GABRA3: variants seen among roughly 807,000 people sequenced by gnomAD.
GABRA3 encodes gamma-aminobutyric acid receptor subunit alpha-3.
A neutral mutation model predicts 30.1 loss-of-function variants in GABRA3; 10 were observed. The ratio of observed to expected loss-of-function variants is 0.33; its 90% CI spans 0.20 to 0.56. The LOEUF is 0.56. Ranked by LOEUF, GABRA3 falls within the 20% of genes least tolerant of loss-of-function variation. The pLI is 0.89. For synonymous variants in GABRA3, 151 were observed against 146.8 expected, an observed-to-expected ratio of 1.03 and a Z score of -0.21; for missense variants, 233 against 392.0, an observed-to-expected ratio of 0.59 and a Z score of 3.42.
intron 9 of GABRA3, among the ~76,000 whole-genome samples, chrX:152,179,061 C>T (rs1205247333): frequency 9.0e-6 from 1 of 111,488 alleles, no homozygotes; most frequent in East Asian, 2.8e-4. Context: ...TGTATAAATC[C>T]CTGTAGTAGC....
chrX:152,204,233 T>C (rs1569355123), intron 7 of GABRA3, among the ~76,000 whole-genome samples: 2 of 111,917 alleles, frequency 1.8e-5, no homozygotes, highest in Non-Finnish European at 3.8e-5. Flanking sequence ...TTTAGAACTA[T>C]GGAGGGAACC....
At chrX:152,411,253 T>G (rs1930064750) in intron 1 of GABRA3, among the ~76,000 whole-genome samples, 1 of 111,244 alleles carries the variant, frequency 9.0e-6, no homozygotes, top group Non-Finnish European at 1.9e-5. Flanking sequence ...AGATGGAGGC[T>G]GCAGTGAGCC....
intron 8 of GABRA3, 146 bp downstream of exon 8, chrX:152,197,487 A>C: frequency 2.3e-6 from 1 of 433,311 alleles, no homozygotes; most frequent in Non-Finnish European, 3.7e-6. Context: ...AGTCGTCTAA[A>C]ACCCCATGGT....
Position 152,167,035 on chromosome X carries a change from CAATAAAG to C in GABRA3, c.*1186_*1192del, listed in dbSNP as rs1327464800. 9.0e-6 allele frequency: 1 copy of C among 111,291 alleles called. No individual in the cohort carries two copies. The highest frequency in any genetic ancestry group is 1.9e-5 in the Non-Finnish European group (1 of 53,103). The allele number at this position is 111,291 out of a possible 1,213,427, so 9.2% of individuals were successfully genotyped here. Reference sequence around the variant, plus strand: ...TCTAAATAATATATTATAAAATTGGCAATAAAGTTAATGATCTAGTTGACTCAATATT... The same window carrying C: ...TCTAAATAATATATTATAAAATTGGCTTAATGATCTAGTTGACTCAATATT... On this transcript the variant is annotated 3_prime_UTR_variant, in exon 10 of 10. Coordinates refer to ENST00000370314, the MANE Select transcript of GABRA3 (RefSeq NM_000808.4).
At chrX:152,251,913 G>C in intron 5 of GABRA3, among the ~76,000 whole-genome samples, 1 of 110,578 alleles carries the variant, frequency 9.0e-6, no homozygotes, top group Non-Finnish European at 1.9e-5. Flanking sequence ...TGCAATGTGA[G>C]AAGAGGTGTC....
intron 1 of GABRA3, among the ~76,000 whole-genome samples, chrX:152,424,344 A>T (rs917131497): frequency 9.1e-6 from 1 of 109,938 alleles, no homozygotes; most frequent in African/African-American, 3.3e-5. Context: ...GTTCACCACA[A>T]CACTAGTTCA....
intron 1 of GABRA3, among the ~76,000 whole-genome samples, chrX:152,378,130 T>C (rs747600115): frequency 2.7e-5 from 3 of 112,052 alleles, no homozygotes; most frequent in Admixed American, 9.5e-5. Context: ...AAATCATCAC[T>C]AGAAAATGAC....
At chrX:152,337,700 T>C (rs1940254188) in intron 3 of GABRA3, among the ~76,000 whole-genome samples, 1 of 110,899 alleles carries the variant, frequency 9.0e-6, no homozygotes, top group African/African-American at 3.3e-5. Flanking sequence ...TAGCCTGTAG[T>C]CCCAGCTATT....
At chrX:152,226,447 A>T (rs1291406519) in intron 5 of GABRA3, among the ~76,000 whole-genome samples, 1 of 111,782 alleles carries the variant, frequency 8.9e-6, no homozygotes, top group Non-Finnish European at 1.9e-5. Flanking sequence ...AAACCTAGGT[A>T]TTACCATTCA....
chrX:152,281,886 G>A (rs766782792), intron 4 of GABRA3, among the ~76,000 whole-genome samples: 4 of 112,347 alleles, frequency 3.6e-5, no homozygotes, highest in African/African-American at 1.3e-4. Flanking sequence ...TCAGCTAAGT[G>A]GAGGAAGACA....
At chrX:152,273,080 C>T (rs1938977448) in intron 4 of GABRA3, among the ~76,000 whole-genome samples, 1 of 111,587 alleles carries the variant, frequency 9.0e-6, no homozygotes, top group Admixed American at 9.6e-5. Context: ...TCAAACAACT[C>T]AATAGAAAAT....
intron 9 of GABRA3, among the ~76,000 whole-genome samples, chrX:152,182,541 AGT>A (rs779733158): frequency 1.2e-5 from 1 of 81,332 alleles, no homozygotes; most frequent in Non-Finnish European, 2.3e-5. Flanking sequence ...ATGCATATAT[AGT>A]GTATATATAC....
intron 4 of GABRA3, among the ~76,000 whole-genome samples, chrX:152,271,716 C>A (rs1031015003): frequency 1.8e-5 from 2 of 111,842 alleles, no homozygotes; most frequent in Non-Finnish European, 1.9e-5. Context: ...CATCACAGGC[C>A]CAGAGGCCTA....
intron 5 of GABRA3, among the ~76,000 whole-genome samples, chrX:152,252,448 T>C (rs763537310): frequency 9.0e-6 from 1 of 111,480 alleles, no homozygotes; most frequent in Non-Finnish European, 1.9e-5. Flanking sequence ...AAAATTCTGT[T>C]ACCCACGTCG....
At chrX:152,340,999 T>C (rs1348039067) in intron 3 of GABRA3, among the ~76,000 whole-genome samples, 1 of 111,447 alleles carries the variant, frequency 9.0e-6, no homozygotes, top group Non-Finnish European at 1.9e-5. Flanking sequence ...GTACCCAATA[T>C]GTACTTTTTT....
At chrX:152,269,010 A>T (rs1022127845) in intron 4 of GABRA3, among the ~76,000 whole-genome samples, 1 of 112,355 alleles carries the variant, frequency 8.9e-6, no homozygotes, top group African/African-American at 3.2e-5. Context: ...GAAAAGATAC[A>T]TGATATAAAT....
At chrX:152,229,149 TCTA>T in intron 5 of GABRA3, among the ~76,000 whole-genome samples, 1 of 111,189 alleles carries the variant, frequency 9.0e-6, no homozygotes, top group Middle Eastern at 4.6e-3. Context: ...TTTGTGAAGC[TCTA>T]CTAAGTTTGG....
chrX:152,415,883 AATAAG>A (rs1023934587), intron 1 of GABRA3, among the ~76,000 whole-genome samples: 19 of 111,685 alleles, frequency 1.7e-4, no homozygotes, highest in African/African-American at 5.8e-4. Context: ...AATTACCAAT[AATAAG>A]ATAAGACTCA....
At chrX:152,288,387 C>T (rs780063678) in intron 3 of GABRA3, among the ~76,000 whole-genome samples, 16 of 112,250 alleles carry the variant, frequency 1.4e-4, no homozygotes, top group East Asian at 2.8e-4. Context: ...TGCCTTTGTA[C>T]CTGTTTCTTC....
Sources: allele counts gnomAD v4.1 joint callset (sites outside exome capture counted in the v4.1 genomes callset), GRCh38; gene constraint gnomAD v4.1.1; transcripts MANE v1.5; gene names NCBI Gene and HGNC (gene_info 2026-07-23, HGNC 2026-07-21).